MAP7D2: variants seen among roughly 807,000 people sequenced by gnomAD.
MAP7D2 encodes the protein MAP7 domain-containing protein 2.
MAP7D2 carries 33 observed loss-of-function variants against 63.5 expected under a neutral mutation model. That is an observed-to-expected ratio of 0.52 (90% CI 0.39 to 0.70). MAP7D2 has a LOEUF of 0.70. MAP7D2 is among the 30% of genes least tolerant of loss of function. The pLI is 0.00. For missense variants in MAP7D2, 626 were observed against 604.0 expected, an observed-to-expected ratio of 1.04 and a Z score of -0.38; for synonymous variants, 224 against 223.7, an observed-to-expected ratio of 1.00 and a Z score of -0.01.
intron 11 of MAP7D2, 146 bp downstream of exon 11, chrX:20,015,948 G>GC: frequency 1.8e-6 from 1 of 563,721 alleles, no homozygotes; most frequent in Non-Finnish European, 2.9e-6. Flanking sequence ...CACTGCAACT[G>GC]CCCCAACTTA....
intron 6 of MAP7D2, among the ~76,000 whole-genome samples, chrX:20,046,274 C>T (rs1603371445): frequency 1.8e-5 from 2 of 112,122 alleles, no homozygotes; most frequent in African/African-American, 6.5e-5. Context: ...TACAAGTGCC[C>T]ACAAGACAGG....
intron 15 of MAP7D2, among the ~76,000 whole-genome samples, chrX:20,011,533 C>T (rs1339900774): frequency 8.9e-6 from 1 of 112,547 alleles, no homozygotes; most frequent in Middle Eastern, 4.6e-3. Flanking sequence ...TCAGTTTCTT[C>T]GCCAGTAAAA....
At chrX:20,059,736 AGAAGGAAGGAAAGAGAG>A (rs1339250884) in intron 3 of MAP7D2, among the ~76,000 whole-genome samples, 33 of 109,210 alleles carry the variant, frequency 3.0e-4, no homozygotes, top group Admixed American at 1.2e-3. Context: ...AAGGAAAAAA[AGAAGGAAGGAAAGAGAG>A]GAAGGAAGGA....
intron 8 of MAP7D2, among the ~76,000 whole-genome samples, chrX:20,040,866 C>T (rs2064635734): frequency 9.0e-6 from 1 of 111,251 alleles, no homozygotes; most frequent in Admixed American, 9.6e-5. Context: ...TGAGCACACA[C>T]TATTGGAAAA....
chrX:20,013,409 T>C (rs1164131067), intron 13 of MAP7D2, among the ~76,000 whole-genome samples, 160 bp downstream of exon 13: 1 of 111,971 alleles, frequency 8.9e-6, no homozygotes, highest in Non-Finnish European at 1.9e-5. Flanking sequence ...CCTCTTTCTT[T>C]TCAGGTACCT....
chrX:20,063,510 C>T lies in MAP7D2; in HGVS notation c.276G>A (p.Glu92=). The part of the protein sequence containing the change: ...RARLQYEKQM[E]ERWRKLEEQR... ...GCTCTTCCAGTTTTCGCCATCGCTCCTCCATTTGCTTTTCGTACTGCAGCC... is the reference window on the plus strand; with the variant it reads ...GCTCTTCCAGTTTTCGCCATCGCTCTTCCATTTGCTTTTCGTACTGCAGCC... The change falls in exon 3 of 17, where the codon GAG becomes GAA. Residue 92 remains glutamate, a synonymous_variant. Transcript: ENST00000379643. 1 of 1,212,109 alleles carries T rather than the reference C, an allele frequency of 8.3e-7. No homozygotes were observed. Among genetic ancestry groups the T allele is most frequent in the Non-Finnish European group, 1.1e-6 (1 of 895,526 alleles).
intron 3 of MAP7D2, among the ~76,000 whole-genome samples, chrX:20,057,652 A>G (rs1019244151): frequency 7.2e-5 from 8 of 111,613 alleles, no homozygotes; most frequent in African/African-American, 2.0e-4. Context: ...TCCTCTCCCT[A>G]TCTCCACTGG....
At chrX:20,027,418 C>T (rs1296751138) in intron 8 of MAP7D2, among the ~76,000 whole-genome samples, 3 of 111,588 alleles carry the variant, frequency 2.7e-5, no homozygotes, top group African/African-American at 9.8e-5. Flanking sequence ...CCCCCTGCCC[C>T]GCCATACATA....
intron 1 of MAP7D2, among the ~76,000 whole-genome samples, chrX:20,107,388 T>C (rs748809368): frequency 1.8e-5 from 2 of 110,839 alleles, no homozygotes; most frequent in South Asian, 3.8e-4. Flanking sequence ...CTAGACAACA[T>C]GGTGAAACCC....
At chrX:20,094,562 ATATATACATATATATG>A (rs1229806768) in intron 1 of MAP7D2, among the ~76,000 whole-genome samples, 8 of 13,213 alleles carry the variant, frequency 6.1e-4, no homozygotes, top group Non-Finnish European at 9.1e-4. Flanking sequence ...ATATATATAT[ATATATACATATATATG>A]TATATATATA....
In MAP7D2 at chrX:20,096,240, A is replaced by G. The variant is rs527758662; in HGVS notation, c.130+20510T>C. 1.1e-4 allele frequency among the ~76,000 whole-genome samples: 12 copies of G among 104,598 alleles called. No homozygotes were observed. The South Asian group carries it at 4.8e-3, about 42-fold the overall frequency. The allele number at this position is 104,598 out of a possible 115,157, so 90.8% of individuals were successfully genotyped here. A position where few individuals can be genotyped will look rare whatever the true frequency, so the allele number is the denominator to read the frequency against. On this transcript the variant is annotated intron_variant, in intron 1 of 16. Coordinates refer to ENST00000379643, the MANE Select transcript of MAP7D2 (RefSeq NM_001168465.2). ...GTCAGGAGTTAAGATCAGCCTGGGC[A>G]ACATAGGGAGACCCTGTCCTTTTTT...
chrX:20,100,305 A>G (rs2066394987), intron 1 of MAP7D2, among the ~76,000 whole-genome samples: 1 of 111,962 alleles, frequency 8.9e-6, no homozygotes, highest in Admixed American at 9.5e-5. Flanking sequence ...CAGTATAGCT[A>G]CAATTCAAAA....
intron 1 of MAP7D2, among the ~76,000 whole-genome samples, chrX:20,108,283 G>A (rs1243025365): frequency 9.3e-6 from 1 of 107,204 alleles, no homozygotes; most frequent in African/African-American, 3.4e-5. Context: ...CACCTAGGCT[G>A]GAGTGCAGTG....
At chrX:20,052,362 C>T (rs1450547578) in intron 5 of MAP7D2, 2 of 262,736 alleles carry the variant, frequency 7.6e-6, no homozygotes, top group Non-Finnish European at 1.4e-5. Context: ...GCCACCCAAC[C>T]TTTTCCTCTT....
intron 6 of MAP7D2, among the ~76,000 whole-genome samples, chrX:20,048,814 A>T (rs1297498407): frequency 9.1e-6 from 1 of 109,802 alleles, no homozygotes; most frequent in African/African-American, 3.3e-5. Flanking sequence ...CTGTAGTCCC[A>T]GCTACTTGGG....
At chrX:20,035,287 G>A (rs891082134) in intron 8 of MAP7D2, among the ~76,000 whole-genome samples, 24 of 111,266 alleles carry the variant, frequency 2.2e-4, no homozygotes, top group South Asian at 1.1e-3. Flanking sequence ...GCAGATGGGC[G>A]GCTCTTTGGA....
At chrX:20,049,315 A>G (rs1352453759) in intron 6 of MAP7D2, among the ~76,000 whole-genome samples, 2 of 99,039 alleles carry the variant, frequency 2.0e-5, no homozygotes. Context: ...TGTGTCACCC[A>G]AGCTGGAGTA....
At chrX:20,098,928 A>G (rs934462191) in intron 1 of MAP7D2, among the ~76,000 whole-genome samples, 4 of 112,654 alleles carry the variant, frequency 3.6e-5, no homozygotes. Context: ...GGCTGTCCCA[A>G]CCCTCATGGT....
chrX:20,057,712 C>T (rs980903030), intron 3 of MAP7D2, among the ~76,000 whole-genome samples: 1 of 111,676 alleles, frequency 9.0e-6, no homozygotes, highest in African/African-American at 3.3e-5. Context: ...CCTCATAAAA[C>T]CCAACCCCGA....
Sources: gnomAD v4.1 joint callset for allele counts (sites outside exome capture counted in the v4.1 genomes callset) on GRCh38, gnomAD v4.1.1 for gene constraint, MANE v1.5 for transcripts, NCBI Gene and HGNC (gene_info 2026-07-23, HGNC 2026-07-21) for gene names.